Variants in CNTN6 observed in about 807,000 individuals in gnomAD.
CNTN6 encodes the protein contactin 6.
A neutral mutation model predicts 122.8 loss-of-function variants in CNTN6; 137 were observed. The ratio of observed to expected loss-of-function variants is 1.12; its 90% CI spans 0.97 to 1.29. CNTN6 has a LOEUF of 1.29. Ranked by LOEUF, CNTN6 falls within the 50% of genes most tolerant of loss-of-function variation. The probability of loss-of-function intolerance (pLI) is 0.00; values close to 1 mark genes in which losing one functional copy is unlikely to be tolerated. For synonymous variants in CNTN6, 570 were observed against 426.0 expected, an observed-to-expected ratio of 1.34 and a Z score of -4.16; for missense variants, 1,634 against 1,223.4, an observed-to-expected ratio of 1.34 and a Z score of -5.01.
chr3:1,362,073 AT>A (rs1346828291), intron 12 of CNTN6, among the ~76,000 whole-genome samples: 6 of 152,296 alleles, frequency 3.9e-5, no homozygotes, highest in African/African-American at 1.4e-4. Flanking sequence ...CTGAAGGACT[AT>A]GTCCTAGTAA....
intron 2 of CNTN6, among the ~76,000 whole-genome samples, chr3:1,191,151 G>T (rs1193661933): frequency 6.6e-6 from 1 of 152,106 alleles, no homozygotes; most frequent in African/African-American, 2.4e-5. Context: ...TTTTGTCCTA[G>T]TATTTGTTTT....
intron 5 of CNTN6, among the ~76,000 whole-genome samples, chr3:1,284,302 T>C (rs552995668): frequency 1.3e-5 from 2 of 151,500 alleles, no homozygotes; most frequent in South Asian, 2.1e-4. Context: ...AGGAAAATTA[T>C]GTAGAGAAAA....
intron 5 of CNTN6, among the ~76,000 whole-genome samples, chr3:1,282,960 A>G (rs888703119): frequency 1.3e-5 from 2 of 152,162 alleles, no homozygotes; most frequent in African/African-American, 4.8e-5. Flanking sequence ...TTCATGCAAC[A>G]GAAAGAGACA....
At chr3:1,264,659 T>G (rs1384374767) in intron 4 of CNTN6, among the ~76,000 whole-genome samples, 1 of 152,192 alleles carries the variant, frequency 6.6e-6, no homozygotes, top group Admixed American at 6.5e-5. Flanking sequence ...ATGGAATGGT[T>G]AAATCAAGCT....
chr3:1,372,139 A>C (rs997207095), intron 12 of CNTN6, among the ~76,000 whole-genome samples, 160 bp from the exon 13 acceptor site: 1 of 152,210 alleles, frequency 6.6e-6, no homozygotes. Context: ...AATACAAGAC[A>C]TTTAAAAACA....
intron 19 of CNTN6, among the ~76,000 whole-genome samples, chr3:1,384,635 A>C (rs1193595588): frequency 6.7e-6 from 1 of 150,284 alleles, no homozygotes; most frequent in Non-Finnish European, 1.5e-5. Flanking sequence ...ATTTAGAATA[A>C]ATGTATAATC....
intron 2 of CNTN6, among the ~76,000 whole-genome samples, chr3:1,196,662 A>G (rs2093782951): frequency 6.6e-6 from 1 of 152,224 alleles, no homozygotes; most frequent in Admixed American, 6.5e-5. Context: ...AAACAATGAC[A>G]GCAAAAACAA....
intron 2 of CNTN6, among the ~76,000 whole-genome samples, chr3:1,173,773 T>TG (rs1234452910): frequency 6.5e-5 from 8 of 122,494 alleles, no homozygotes; most frequent in South Asian, 2.6e-4. Flanking sequence ...ATTTTCCTTT[T>TG]GGGGAAAAAA....
At position 1,389,063 on chromosome 3, in the gene CNTN6, C is replaced by T. The variant is rs1249713924; in HGVS notation, c.2704+3266C>T. Among the ~76,000 whole-genome samples the T allele has an allele frequency of 2.1e-3, 307 of 145,526 alleles. 1 individual carries two copies. Among genetic ancestry groups the T allele is most frequent in the African/African-American group, 6.1e-3 (244 of 39,858 alleles). ...ATTCAGATTCAGGAAATACAGAGAA[C>T]GCCACAAAGATACTCCTCGAGAAGA... On this transcript the variant is annotated intron_variant, in intron 20 of 22. Coordinates refer to ENST00000446702, the MANE Select transcript of CNTN6 (RefSeq NM_001289080.2).
intron 1 of CNTN6, among the ~76,000 whole-genome samples, chr3:1,147,574 G>A (rs1359793701): frequency 1.4e-5 from 2 of 139,674 alleles, no homozygotes; most frequent in Admixed American, 1.5e-4. Flanking sequence ...AAATAAATTA[G>A]AGAAAATTAT....
chr3:1,162,394 A>G (rs918932787), intron 2 of CNTN6, among the ~76,000 whole-genome samples: 1 of 146,328 alleles, frequency 6.8e-6, no homozygotes, highest in African/African-American at 2.6e-5. Context: ...TACAGCTCAG[A>G]AGGGAGGGGA....
At chr3:1,347,475 C>G (rs1704911898) in intron 11 of CNTN6, among the ~76,000 whole-genome samples, 1 of 151,990 alleles carries the variant, frequency 6.6e-6, no homozygotes, top group Non-Finnish European at 1.5e-5. Context: ...GGAAACATAC[C>G]AACACCGTAA....
chr3:1,267,731 GGAGA>G (rs2094949300), intron 4 of CNTN6, among the ~76,000 whole-genome samples: 1 of 152,114 alleles, frequency 6.6e-6, no homozygotes, highest in Non-Finnish European at 1.5e-5. Flanking sequence ...ATTAACAAGT[GGAGA>G]GAAAGTGAGT....
intron 8 of CNTN6, among the ~76,000 whole-genome samples, chr3:1,324,673 G>A (rs1441225801): frequency 6.7e-6 from 1 of 149,508 alleles, no homozygotes; most frequent in Admixed American, 6.6e-5. Flanking sequence ...TCGTGTTGGT[G>A]GTCAACTCAA....
At chr3:1,242,293 G>T (rs980811558) in intron 4 of CNTN6, among the ~76,000 whole-genome samples, 2 of 152,304 alleles carry the variant, frequency 1.3e-5, no homozygotes, top group Non-Finnish European at 1.5e-5. Context: ...GCATCTTTAA[G>T]ATGGAGAACA....
intron 1 of CNTN6, among the ~76,000 whole-genome samples, chr3:1,129,819 T>C (rs537887875): frequency 1.4e-4 from 21 of 152,214 alleles, no homozygotes; most frequent in Non-Finnish European, 2.4e-4. Flanking sequence ...TCAATAGTTA[T>C]TGATTTCACG....
intron 4 of CNTN6, among the ~76,000 whole-genome samples, chr3:1,257,283 T>C (rs1259893863): frequency 6.6e-6 from 1 of 152,168 alleles, no homozygotes; most frequent in African/African-American, 2.4e-5. Flanking sequence ...TTATGTGAAA[T>C]GTTCCTATTT....
intron 2 of CNTN6, among the ~76,000 whole-genome samples, chr3:1,161,237 A>G (rs2093124945): frequency 6.7e-6 from 1 of 149,182 alleles, no homozygotes; most frequent in Non-Finnish European, 1.5e-5. Context: ...ATTGCATATA[A>G]TGATATATGA....
chr3:1,271,676 C>G (rs1175349388), intron 4 of CNTN6, among the ~76,000 whole-genome samples: 1 of 152,108 alleles, frequency 6.6e-6, no homozygotes, highest in Non-Finnish European at 1.5e-5. Context: ...TTCAGGACAT[C>G]AGAAACAGAG....
Sources: allele counts gnomAD v4.1 joint callset (sites outside exome capture counted in the v4.1 genomes callset), GRCh38; gene constraint gnomAD v4.1.1; transcripts MANE v1.5; gene names NCBI Gene and HGNC (gene_info 2026-07-23, HGNC 2026-07-21).